Variants in DYNC2I1 observed in about 807,000 individuals in gnomAD.
DYNC2I1 encodes dynein 2 intermediate chain 1.
Under a neutral mutation model 133.4 loss-of-function variants are expected in DYNC2I1, and 89 were observed. The ratio of observed to expected loss-of-function variants is 0.67; its 90% CI spans 0.56 to 0.80. The LOEUF (loss-of-function observed/expected upper bound fraction) is 0.80, where lower values mean the gene tolerates loss of function less well. Among genes scored for constraint, DYNC2I1 ranks in the 30% least tolerant of loss-of-function variants. The probability of loss-of-function intolerance (pLI) is 0.00; values close to 1 mark genes in which losing one functional copy is unlikely to be tolerated. For synonymous variants in DYNC2I1, 504 were observed against 484.3 expected, an observed-to-expected ratio of 1.04 and a Z score of -0.54; for missense variants, 1,291 against 1,314.5, an observed-to-expected ratio of 0.98 and a Z score of 0.28.
intron 3 of DYNC2I1, 78 bp downstream of exon 3, chr7:158,871,640 C>A: frequency 7.2e-7 from 1 of 1,389,938 alleles, no homozygotes; most frequent in Admixed American, 2.7e-5. Context: ...AGCTCGCTGC[C>A]TCCCCTCCCT....
intron 5 of DYNC2I1, 125 bp downstream of exon 5, chr7:158,880,114 A>G: frequency 1.9e-6 from 2 of 1,073,578 alleles, no homozygotes; most frequent in South Asian, 1.7e-5. Context: ...AATTTAGGAA[A>G]AACGCAACTC....
chr7:158,869,128 C>T (rs970237314), intron 1 of DYNC2I1, among the ~76,000 whole-genome samples: 4 of 152,082 alleles, frequency 2.6e-5, no homozygotes, highest in Non-Finnish European at 4.4e-5. Context: ...TGAGGGGCTG[C>T]GGGAGCCGTG....
At chr7:158,948,249 C>T (rs1021271464), downstream of DYNC2I1, among the ~76,000 whole-genome samples, 1 of 152,236 alleles carries the variant, frequency 6.6e-6, no homozygotes, top group Admixed American at 6.5e-5. Flanking sequence ...GTGGGCTTCC[C>T]GTCTGACTTT....
chr7:158,856,653 G>A lies in DYNC2I1; in HGVS notation c.-83G>A. On this transcript the variant is annotated 5_prime_UTR_variant, in exon 1 of 25. Transcript: ENST00000407559. ...CGCTGGGACGCGCCTCCCGAAGGGT[G>A]CGGGGCACAGGTGGCCTCTTCGGGG... 5 of 1,217,172 alleles carry A rather than the reference G, an allele frequency of 4.1e-6. No individual in the cohort carries two copies. Among genetic ancestry groups the A allele is most frequent in the Non-Finnish European group, 5.1e-6 (5 of 974,090 alleles). 75.4% of individuals were successfully genotyped at this position (1,217,172 alleles called of 1,614,324 possible).
intron 14 of DYNC2I1, among the ~76,000 whole-genome samples, chr7:158,917,762 C>T (rs192698828): frequency 9.2e-5 from 14 of 152,264 alleles, no homozygotes; most frequent in South Asian, 2.1e-4. Flanking sequence ...CTTGCCCGTT[C>T]CCATCCTGTC....
downstream of DYNC2I1, among the ~76,000 whole-genome samples, chr7:158,958,696 T>C (rs561848185): frequency 6.6e-6 from 1 of 152,344 alleles, no homozygotes; most frequent in African/African-American, 2.4e-5. Flanking sequence ...ACTCCTCCTA[T>C]AACACTTGCT....
At position 158,942,122 on chromosome 7, in the gene DYNC2I1, C is replaced by A. The variant is rs34634437; in HGVS notation, c.2976C>A (p.Val992=). 2 of 1,564,674 alleles carry A rather than the reference C, an allele frequency of 1.3e-6. No individual in the cohort carries two copies. Among genetic ancestry groups the A allele is most frequent in the South Asian group, 1.2e-5 (1 of 83,672 alleles). The change falls in exon 24 of 25, where the codon GTC becomes GTA. Residue 992 remains valine, a synonymous_variant. Coordinates refer to ENST00000407559, the MANE Select transcript of DYNC2I1 (RefSeq NM_018051.5). ...WDLLQSDLGP[V]AKQQVSPNRL... is the part of the protein sequence containing the mutation. Reference sequence around the variant, plus strand: ...TCCTCCAGAGCGATCTGGGTCCTGTCGCCAAACAGCAGGTCTCCCCCAACA... The same window carrying A: ...TCCTCCAGAGCGATCTGGGTCCTGTAGCCAAACAGCAGGTCTCCCCCAACA...
At chr7:158,881,963 T>C (rs1844077619) in intron 5 of DYNC2I1, among the ~76,000 whole-genome samples, 1 of 152,232 alleles carries the variant, frequency 6.6e-6, no homozygotes, top group Non-Finnish European at 1.5e-5. Flanking sequence ...GGAAGTGACT[T>C]AGGTTACATG....
intron 1 of DYNC2I1, among the ~76,000 whole-genome samples, chr7:158,858,105 T>C (rs1032648993): frequency 3.9e-5 from 6 of 152,158 alleles, no homozygotes; most frequent in African/African-American, 1.2e-4. Context: ...TTAGATAGTA[T>C]TTTTTAACTT....
intron 8 of DYNC2I1, among the ~76,000 whole-genome samples, chr7:158,892,650 A>T (rs1845348327): frequency 6.6e-6 from 1 of 151,828 alleles, no homozygotes; most frequent in Admixed American, 6.6e-5. Flanking sequence ...TTTCCATCAA[A>T]ATTGAGAGGA....
chr7:158,879,830 T>C lies in DYNC2I1; in HGVS notation c.720T>C (p.Tyr240=). ...KSSTREKREK[Y]SKEKSNSFSD... ...GCACAAGGGAAAAAAGAGAGAAATA[T>C]TCCAAAGAGAAAAGTAATTCATTCT... The change falls in exon 5 of 25, where the codon TAT becomes TAC. Residue 240 remains tyrosine, a synonymous_variant. Transcript: ENST00000407559. The C allele has an allele frequency of 6.2e-7, 1 of 1,610,984 alleles. No individual in the cohort carries two copies. Among genetic ancestry groups the C allele is most frequent in the Non-Finnish European group, 8.5e-7 (1 of 1,178,954 alleles).
At chr7:158,844,341 A>G in the DYNC2I1 span, among the ~76,000 whole-genome samples, 4 of 152,046 alleles carry the variant, frequency 2.6e-5, no homozygotes, top group Non-Finnish European at 4.4e-5. Context: ...CCTGGAGGGC[A>G]CCTTTGGGAA....
At position 158,901,621 on chromosome 7, in the gene DYNC2I1, A is replaced by C. The variant is rs1349877984; in HGVS notation, c.1060-118A>C. The C allele has an allele frequency of 4.5e-6, 3 of 670,762 alleles. No individual in the cohort carries two copies. The Admixed American group carries it at 1.0e-4, about 23-fold the overall frequency. 41.6% of individuals were successfully genotyped at this position (670,762 alleles called of 1,614,324 possible). A position where few individuals can be genotyped will look rare whatever the true frequency, so the allele number is the denominator to read the frequency against. Reference sequence around the variant, plus strand: ...TTATATTAGTTTTACAAATACCTAGAGTTTAAAATTAGCAACATCAAAGGA... The same window carrying C: ...TTATATTAGTTTTACAAATACCTAGCGTTTAAAATTAGCAACATCAAAGGA... On this transcript the variant is annotated intron_variant, in intron 8 of 24. Transcript: ENST00000407559.
intron 1 of DYNC2I1, among the ~76,000 whole-genome samples, chr7:158,863,956 C>CCTTA (rs1220928886): frequency 3.1e-5 from 4 of 127,970 alleles, no homozygotes; most frequent in African/African-American, 1.2e-4. Flanking sequence ...AGCGGGACGT[C>CCTTA]CTTAGCTCCT....
intron 11 of DYNC2I1, among the ~76,000 whole-genome samples, chr7:158,909,017 A>T (rs2036582): frequency 0.14 from 21,383 of 152,132 alleles, 1,784 homozygotes; most frequent in Middle Eastern, 0.23. Flanking sequence ...CTTTTATGGA[A>T]TAGGCAAGGT....
In DYNC2I1 at chr7:158,902,531, C is replaced by G. The variant is rs369015842; in HGVS notation, c.1293C>G (p.Gly431=). The change falls in exon 10 of 25, where the codon GGC becomes GGG. Residue 431 remains glycine, a synonymous_variant. Transcript: ENST00000407559. ...TTAATGCAGAAAATGAAAGGATTGG[C>G]GAGTTATCTTTGAAACTGTTTCAGA... ...RAINAENERI[G]ELSLKLFQKR... 6.2e-7 allele frequency: 1 copy of G among 1,613,964 alleles called. No individual in the cohort carries two copies. The highest frequency in any genetic ancestry group is 8.5e-7 in the Non-Finnish European group (1 of 1,179,874).
rs776296429 is a variant in DYNC2I1 at position 158,922,446 on chromosome 7, C to T, written c.1991C>T (p.Pro664Leu). Residue 664 changes from proline (P) to leucine (L), a missense_variant, in exon 16 of 25, where the codon CCC becomes CTC. Transcript: ENST00000407559. ...ATGGTGGTCTCCGTTCACGACTTAC[C>T]CGAGAAGAGCTTTGTGCCCCTGCTG... ...RQMVVSVHDLPEKSFVPLLDS... is the reference protein window; with the variant it reads ...RQMVVSVHDLLEKSFVPLLDS... 5.0e-6 allele frequency: 8 copies of T among 1,614,014 alleles called. No homozygotes were observed. The highest frequency in any genetic ancestry group is 6.8e-6 in the Non-Finnish European group (8 of 1,179,904).
chr7:158,920,325 C>T (rs1420128009), intron 15 of DYNC2I1, among the ~76,000 whole-genome samples: 6 of 132,000 alleles, frequency 4.5e-5, no homozygotes, highest in African/African-American at 1.2e-4. Flanking sequence ...ACTGCAGCGC[C>T]GGGCCTCCAT....
intron 4 of DYNC2I1, 71 bp downstream of exon 4, chr7:158,876,762 T>A: frequency 6.8e-7 from 1 of 1,465,564 alleles, no homozygotes; most frequent in Non-Finnish European, 9.0e-7. Context: ...AGCATTATTG[T>A]TGGAAGCATT....
Sources: allele counts gnomAD v4.1 joint callset (sites outside exome capture counted in the v4.1 genomes callset), GRCh38; gene constraint gnomAD v4.1.1; transcripts MANE v1.5; gene names NCBI Gene and HGNC (gene_info 2026-07-23, HGNC 2026-07-21).